Variants in ARID1B observed in about 807,000 individuals in gnomAD.
The protein encoded by ARID1B is AT-rich interactive domain-containing protein 1B.
A neutral mutation model predicts 212.3 loss-of-function variants in ARID1B; 30 were observed. The observed-to-expected ratio is 0.14, with a 90% CI of 0.11 to 0.19. The LOEUF is 0.19. Among genes scored for constraint, ARID1B ranks in the 10% least tolerant of loss-of-function variants. ARID1B has a pLI of 1.00. For missense variants in ARID1B, 2,891 were observed against 3,204.0 expected, an observed-to-expected ratio of 0.90 and a Z score of 2.36; for synonymous variants, 1,402 against 1,301.7, an observed-to-expected ratio of 1.08 and a Z score of -1.66.
In ARID1B at chr6:156,779,398, G is replaced by T; in HGVS notation, c.1718G>T (p.Trp573Leu). ...CAGTACGCCGCTGCCAGCCCGGCCT[G>T]GGCGGCCGCGCAACAAAGGAGTCAC... Reference protein sequence around the residue: ...GAQYAAASPAWAAAQQRSHPA... With the variant: ...GAQYAAASPALAAAQQRSHPA... Residue 573 changes from tryptophan to leucine, a missense_variant, in exon 1 of 20, where the codon TGG (tryptophan) becomes TTG (leucine). Transcript: ENST00000636930. 7.0e-7 allele frequency: 1 copy of T among 1,437,010 alleles called. No homozygotes were observed. Among genetic ancestry groups the T allele is most frequent in the East Asian group, 3.0e-5 (1 of 33,172 alleles). 89.0% of individuals were successfully genotyped at this position (1,437,010 alleles called of 1,614,324 possible).
chr6:157,102,704 C>T (rs1786152496), intron 5 of ARID1B, among the ~76,000 whole-genome samples: 1 of 139,736 alleles, frequency 7.2e-6, no homozygotes. Flanking sequence ...TCAAGTGATT[C>T]TCCTGCCTCA....
chr6:156,845,706 A>G (rs1022610480), intron 2 of ARID1B, among the ~76,000 whole-genome samples: 3 of 152,026 alleles, frequency 2.0e-5, no homozygotes, highest in Non-Finnish European at 4.4e-5. Context: ...GGTATTTTCC[A>G]TCCATTTTGC....
intron 1 of ARID1B, among the ~76,000 whole-genome samples, chr6:156,810,153 T>G (rs1781462221): frequency 1.3e-5 from 2 of 152,230 alleles, no homozygotes; most frequent in Non-Finnish European, 2.9e-5. Flanking sequence ...AGTCACAGTT[T>G]AAACTACTTA....
chr6:156,857,573 A>C (rs1480711947), intron 2 of ARID1B, among the ~76,000 whole-genome samples: 1 of 152,244 alleles, frequency 6.6e-6, no homozygotes, highest in Non-Finnish European at 1.5e-5. Flanking sequence ...CTGAAGAGCC[A>C]TGACCAAGGT....
chr6:156,805,134 G>T (rs1419955356), intron 1 of ARID1B, among the ~76,000 whole-genome samples: 2 of 152,162 alleles, frequency 1.3e-5, no homozygotes, highest in Non-Finnish European at 2.9e-5. Flanking sequence ...GGCAGGAACA[G>T]GCCTCTCTCA....
At chr6:156,897,063 A>C (rs1459483076) in intron 2 of ARID1B, among the ~76,000 whole-genome samples, 3 of 152,080 alleles carry the variant, frequency 2.0e-5, no homozygotes, top group Non-Finnish European at 4.4e-5. Context: ...TTATTGGGAT[A>C]ATTTTCTAAA....
intron 3 of ARID1B, among the ~76,000 whole-genome samples, chr6:156,911,310 T>C (rs1789851888): frequency 1.3e-5 from 2 of 152,046 alleles, no homozygotes; most frequent in South Asian, 4.2e-4. Context: ...CAAAATGGAG[T>C]TGGGTTCTAG....
At chr6:156,840,865 A>G (rs1449435024) in intron 2 of ARID1B, among the ~76,000 whole-genome samples, 2 of 152,132 alleles carry the variant, frequency 1.3e-5, no homozygotes, top group Non-Finnish European at 1.5e-5. Flanking sequence ...ACTCTGCTCT[A>G]AGGCCCATTA....
At chr6:156,901,161 G>A (rs531982279) in intron 2 of ARID1B, among the ~76,000 whole-genome samples, 12 of 152,212 alleles carry the variant, frequency 7.9e-5, no homozygotes, top group Admixed American at 7.2e-4. Context: ...AGAATATGAT[G>A]GTTTTTAAAG....
chr6:156,810,647 C>G (rs1781493408), intron 1 of ARID1B, among the ~76,000 whole-genome samples: 1 of 152,164 alleles, frequency 6.6e-6, no homozygotes, highest in South Asian at 2.1e-4. Context: ...GGTTTCAAGA[C>G]AAACTTGATA....
At chr6:157,145,456 G>C (rs559804279) in intron 7 of ARID1B, among the ~76,000 whole-genome samples, 7 of 152,136 alleles carry the variant, frequency 4.6e-5, no homozygotes, top group Admixed American at 1.3e-4. Context: ...ACATCTGCAC[G>C]GACAGTGGCC....
intron 2 of ARID1B, among the ~76,000 whole-genome samples, chr6:156,849,447 C>T (rs1784436973): frequency 6.6e-6 from 1 of 151,938 alleles, no homozygotes; most frequent in Non-Finnish European, 1.5e-5. Context: ...CAGGCTATAC[C>T]CCACAGTCAG....
rs74566821 is a variant in ARID1B, at chr6:156,876,320, C to T, written c.1987-25056C>T. Among the ~76,000 whole-genome samples the T allele has an allele frequency of 3.2e-3, 482 of 152,242 alleles. 1 individual carries two copies. Among genetic ancestry groups the T allele is most frequent in the Non-Finnish European group, 4.2e-3 (283 of 68,016 alleles). ...GCCTCTTTCCTCAGCCTCACCCATC[C>T]GGCCCTGTGGATTTTAGGTTGAGTC... On this transcript the variant is annotated intron_variant, in intron 2 of 19. Coordinates refer to ENST00000636930, the MANE Select transcript of ARID1B (RefSeq NM_001374828.1).
Position 157,094,508 on chromosome 6 carries a change from C to T in ARID1B, c.2491+9603C>T, listed in dbSNP as rs552983635. Reference sequence around the variant, plus strand: ...TAGCTGGGACTATAGGCACATGTCACCACGCTTGGCTAATTTTTATATTTT... The same window carrying T: ...TAGCTGGGACTATAGGCACATGTCATCACGCTTGGCTAATTTTTATATTTT... On this transcript the variant is annotated intron_variant, in intron 5 of 19. Coordinates refer to ENST00000636930, the MANE Select transcript of ARID1B (RefSeq NM_001374828.1). The surrounding 1 kb of genome is among the most constrained non-coding windows in gnomAD (Gnocchi z 4.3). Among the ~76,000 whole-genome samples, 126 of 152,250 alleles carry T rather than the reference C, an allele frequency of 8.3e-4. No homozygotes were observed. Among genetic ancestry groups the T allele is most frequent in the Admixed American group, 1.6e-3 (25 of 15,302 alleles).
intron 2 of ARID1B, among the ~76,000 whole-genome samples, chr6:156,886,910 A>G (rs146504261): frequency 2.7e-4 from 41 of 152,296 alleles, no homozygotes; most frequent in African/African-American, 8.7e-4. Flanking sequence ...AACTCAAACT[A>G]TGATCCAGGG....
intron 4 of ARID1B, among the ~76,000 whole-genome samples, chr6:156,994,451 T>C (rs974746686): frequency 6.6e-6 from 1 of 152,088 alleles, no homozygotes; most frequent in Non-Finnish European, 1.5e-5. Flanking sequence ...GAGGCTCCGT[T>C]ATTGATTTAC....
At chr6:156,907,111 C>G (rs565072173) in intron 3 of ARID1B, among the ~76,000 whole-genome samples, 2 of 152,214 alleles carry the variant, frequency 1.3e-5, no homozygotes, top group East Asian at 3.9e-4. Context: ...CAGACTGGCT[C>G]CCCTGTATGC....
At chr6:157,165,567 G>A (rs1261335400) in intron 8 of ARID1B, among the ~76,000 whole-genome samples, 3 of 151,912 alleles carry the variant, frequency 2.0e-5, no homozygotes, top group African/African-American at 4.8e-5. Context: ...AAAAAAAAAT[G>A]ATTTATGGAC....
intron 1 of ARID1B, among the ~76,000 whole-genome samples, chr6:156,822,034 G>A (rs1324149799): frequency 6.6e-6 from 1 of 151,854 alleles, no homozygotes; most frequent in Admixed American, 6.6e-5. Flanking sequence ...AGTAGAGAAG[G>A]GGTTTCACCA....
Sources: allele counts gnomAD v4.1 joint callset (sites outside exome capture counted in the v4.1 genomes callset), GRCh38; gene constraint gnomAD v4.1.1; non-coding constraint Gnocchi (gnomAD v3.1); transcripts MANE v1.5; gene names NCBI Gene and HGNC (gene_info 2026-07-23, HGNC 2026-07-21).